Variants in BLTP1 observed in about 807,000 individuals in gnomAD.
BLTP1 encodes the protein bridge-like lipid transfer protein family member 1, also known as fragile site-associated protein.
the BLTP1 span, chr4:122,245,069 A>G: frequency 2.5e-6 from 4 of 1,612,668 alleles, no homozygotes; most frequent in Non-Finnish European, 3.4e-6. Flanking sequence ...TCCAGCTGCA[A>G]TTGTAGATGA....
At chr4:122,246,241 A>C in the BLTP1 span, 1 of 1,607,358 alleles carries the variant, frequency 6.2e-7, no homozygotes. Context: ...CAAATCTTAC[A>C]ATGAAGCAAG....
the BLTP1 span, chr4:122,249,820 C>G: frequency 7.1e-7 from 1 of 1,417,508 alleles, no homozygotes; most frequent in Admixed American, 2.6e-5. Flanking sequence ...GGATTATTTA[C>G]CGGGGGTGAG....
At chr4:122,185,261 A>G in the BLTP1 span, 3 of 976,268 alleles carry the variant, frequency 3.1e-6, no homozygotes, top group Non-Finnish European at 3.7e-6. Context: ...AAACATTTAA[A>G]TATCCGTAAA....
chr4:122,359,717 T>C, the BLTP1 span: 1 of 1,607,940 alleles, frequency 6.2e-7, no homozygotes, highest in South Asian at 1.1e-5. Flanking sequence ...TAGAACCTAC[T>C]CTTAGGTAAG....
the BLTP1 span, chr4:122,271,847 G>A: frequency 8.2e-6 from 6 of 734,852 alleles, no homozygotes; most frequent in African/African-American, 1.8e-5. Flanking sequence ...GAGAGAAATT[G>A]TCTATCACCA....
At chr4:122,349,507 G>A in the BLTP1 span, 3 of 1,608,492 alleles carry the variant, frequency 1.9e-6, no homozygotes, top group Non-Finnish European at 2.6e-6. The surrounding 1 kb of genome is among the most constrained non-coding windows in gnomAD (Gnocchi z 4.5). Context: ...ATTACTATGG[G>A]TTCTACTGAA....
chr4:122,229,197 C>G, the BLTP1 span: 1 of 1,611,144 alleles, frequency 6.2e-7, no homozygotes, highest in Non-Finnish European at 8.5e-7. Flanking sequence ...GTAGATGGAG[C>G]CGATATTTAC....
chr4:122,309,639 T>C, the BLTP1 span, among the ~76,000 whole-genome samples: 6 of 152,214 alleles, frequency 3.9e-5, no homozygotes, highest in East Asian at 1.2e-3. Context: ...CAGCATTGAG[T>C]AGTTTTGGTA....
At chr4:122,348,132 T>C in the BLTP1 span, among the ~76,000 whole-genome samples, 1 of 152,094 alleles carries the variant, frequency 6.6e-6, no homozygotes, top group African/African-American at 2.4e-5. Flanking sequence ...AAATGCAGGA[T>C]TCAAGATATA....
the BLTP1 span, chr4:122,209,378 C>A: frequency 6.3e-7 from 1 of 1,596,632 alleles, no homozygotes; most frequent in African/African-American, 1.4e-5. Flanking sequence ...GGCACAGTGG[C>A]TCACGCCTGT....
the BLTP1 span, chr4:122,224,347 T>G: frequency 1.2e-6 from 1 of 845,904 alleles, no homozygotes; most frequent in Non-Finnish European, 1.8e-6. Context: ...CCTCTGCGGG[T>G]ACAAGGTTGT....
At chr4:122,281,621 A>G in the BLTP1 span, 13 of 1,613,420 alleles carry the variant, frequency 8.1e-6, no homozygotes, top group South Asian at 1.3e-4. Flanking sequence ...TGTTGAAACA[A>G]ATGAATTTCC....
At chr4:122,254,445 T>C in the BLTP1 span, 1 of 1,286,510 alleles carries the variant, frequency 7.8e-7, no homozygotes, top group African/African-American at 1.5e-5. Context: ...TTTTCTGGTA[T>C]ATATAGTATT....
chr4:122,212,924 A>G, the BLTP1 span, among the ~76,000 whole-genome samples: 1 of 152,196 alleles, frequency 6.6e-6, no homozygotes, highest in Admixed American at 6.5e-5. Context: ...AAATTTTGAC[A>G]TGTTTACTAA....
At chr4:122,309,071 GAAA>G in the BLTP1 span, 1 of 283,038 alleles carries the variant, frequency 3.5e-6, no homozygotes, top group Non-Finnish European at 5.3e-6. Context: ...TGTTAAGTAA[GAAA>G]AAAAATGCAC....
At chr4:122,349,101 G>T in the BLTP1 span, 1 of 1,401,932 alleles carries the variant, frequency 7.1e-7, no homozygotes, top group Non-Finnish European at 9.6e-7. This position sits in a 1 kb window ranked among gnomAD's most constrained non-coding sequence, Gnocchi z 4.5. Context: ...TTTAAATCCT[G>T]TTTTAATTCA....
At chr4:122,229,102 C>A in the BLTP1 span, 1 of 1,569,536 alleles carries the variant, frequency 6.4e-7, no homozygotes, top group South Asian at 1.2e-5. Flanking sequence ...TTTAGATGTA[C>A]AATCCTTTTT....
the BLTP1 span, chr4:122,334,650 A>T: frequency 8.7e-7 from 1 of 1,148,028 alleles, no homozygotes; most frequent in East Asian, 2.5e-5. Context: ...AGAAAAAAGG[A>T]CATACATTTG....
chr4:122,305,732 A>G, the BLTP1 span: 1 of 1,310,920 alleles, frequency 7.6e-7, no homozygotes, highest in East Asian at 2.8e-5. Context: ...TTTATGGTAC[A>G]GAGTATAAGG....
Sources: gnomAD v4.1 joint callset for allele counts (sites outside exome capture counted in the v4.1 genomes callset) on GRCh38, gnomAD v4.1.1 for gene constraint, Gnocchi (gnomAD v3.1) non-coding constraint, MANE v1.5 for transcripts, NCBI Gene and HGNC (gene_info 2026-07-23, HGNC 2026-07-21) for gene names.